SCN10A: variants seen among roughly 807,000 people sequenced by gnomAD.
SCN10A encodes sodium channel protein type 10 subunit alpha.
A neutral mutation model predicts 170.7 loss-of-function variants in SCN10A; 162 were observed. That is an observed-to-expected ratio of 0.95 (90% CI 0.84 to 1.08). The LOEUF is 1.08. Ranked by LOEUF, SCN10A falls within the 50% of genes least tolerant of loss-of-function variation. The pLI is 0.00. For synonymous variants in SCN10A, 985 were observed against 904.6 expected (o/e 1.09, Z -1.59); for missense variants, 2,527 against 2,436.9 (o/e 1.04, Z -0.78).
intron 20 of SCN10A, among the ~76,000 whole-genome samples, chr3:38,720,094 A>G (rs1575950877): frequency 6.6e-6 from 1 of 152,214 alleles, no homozygotes; most frequent in African/African-American, 2.4e-5. Flanking sequence ...AGGGCTTTCC[A>G]TGGGATCAGC....
chr3:38,802,288 C>G (rs772693028), intron 1 of SCN10A, among the ~76,000 whole-genome samples: 2 of 152,150 alleles, frequency 1.3e-5, no homozygotes, highest in African/African-American at 2.4e-5. Context: ...ATGAAGACAA[C>G]CTAAGTAGTC....
At position 38,728,612 on chromosome 3, in the gene SCN10A, C is replaced by A. The variant is rs1250337216; in HGVS notation, c.2570G>T (p.Cys857Phe). Residue 857 changes from cysteine (C) to phenylalanine (F), a missense_variant, in exon 16 of 28, where the codon TGC becomes TTC. By Grantham distance (205) the Cys-to-Phe change is radical. Transcript: ENST00000449082. ...CGEWIENMWA[C>F]MEVGQKSICL... ...TATGGATTTTTGGCCAACTTCCATGCAGGCCCACATGTTCTCAATCCACTC... is the reference window on the plus strand; with the variant it reads ...TATGGATTTTTGGCCAACTTCCATGAAGGCCCACATGTTCTCAATCCACTC... The A allele has an allele frequency of 6.2e-7, 1 of 1,612,570 alleles. No individual in the cohort carries two copies.
chr3:38,742,231 C>A (rs2063639549), intron 14 of SCN10A, 60 bp downstream of exon 14: 1 of 1,245,378 alleles, frequency 8.0e-7, no homozygotes. Flanking sequence ...CTGCACCCTG[C>A]CATCATCCCC....
At chr3:38,709,396 A>C in intron 25 of SCN10A, 82 bp downstream of exon 25, 1 of 1,429,426 alleles carries the variant, frequency 7.0e-7, no homozygotes, top group Non-Finnish European at 9.4e-7. Context: ...GGCTTTTGTC[A>C]GGAGGCCAGA....
Position 38,697,651 on chromosome 3 carries a change from C to T in SCN10A, c.5569G>A (p.Val1857Ile). The T allele has an allele frequency of 6.2e-7, 1 of 1,614,202 alleles. No individual in the cohort carries two copies. Among genetic ancestry groups the T allele is most frequent in the Non-Finnish European group, 8.5e-7 (1 of 1,180,040 alleles). ...TAGCTCCGATAGGCCTTTTGAATGA[C>T]AGTGGCTGAAATGTCTTCTTGCTTC... ...RWKQEDISAT[V>I]IQKAYRSYVL... Residue 1857 changes from valine to isoleucine, a missense_variant, in exon 28 of 28, where the codon GTC (valine) becomes ATC (isoleucine). Transcript: ENST00000449082.
Position 38,707,522 on chromosome 3 carries a change from G to T in SCN10A, c.4282-139C>A, listed in dbSNP as rs956398444. 4.8e-6 allele frequency: 4 copies of T among 826,626 alleles called. No homozygotes were observed. The African/African-American group carries it at 5.0e-5, about 10-fold the overall frequency. 51.2% of individuals were successfully genotyped at this position (826,626 alleles called of 1,614,324 possible). The stretch of plus-strand genomic sequence containing the variant: ...GACAAACCAAGCCCAGCATCAAGGA[G>T]TGTCTTGCCACATCCAGTGTCGGAA... On this transcript the variant is annotated intron_variant, in intron 25 of 27. Coordinates refer to ENST00000449082, the MANE Select transcript of SCN10A (RefSeq NM_006514.4).
chr3:38,754,693 G>T (rs2063783993), intron 11 of SCN10A, among the ~76,000 whole-genome samples: 1 of 152,220 alleles, frequency 6.6e-6, no homozygotes, highest in South Asian at 2.1e-4. Flanking sequence ...GCAGATAAAT[G>T]CTGAAGTGTG....
At chr3:38,766,537 T>C (rs1391732976) in intron 5 of SCN10A, among the ~76,000 whole-genome samples, 1 of 152,188 alleles carries the variant, frequency 6.6e-6, no homozygotes. Context: ...CGTGCAGCAT[T>C]TATTGACTTG....
In SCN10A at chr3:38,724,081, C is replaced by T. The variant is rs564589023; in HGVS notation, c.3229-528G>A. On this transcript the variant is annotated intron_variant, in intron 18 of 27. Transcript: ENST00000449082. ...AAAACATTGAGTAGGGACAACTAGC[C>T]AGGGGAGTCCTTGGAACATTTGGGA... Among the ~76,000 whole-genome samples the T allele has an allele frequency of 4.5e-4, 68 of 152,324 alleles. 2 individuals carry two copies. In the South Asian group the frequency reaches 0.014, roughly 31 times the overall value.
At chr3:38,792,723 G>A (rs1262262884) in intron 2 of SCN10A, among the ~76,000 whole-genome samples, 3 of 149,016 alleles carry the variant, frequency 2.0e-5, no homozygotes, top group Admixed American at 1.4e-4. Flanking sequence ...GCTGATTCCT[G>A]TCCTCCTAAC....
At position 38,697,113 on chromosome 3, in the gene SCN10A, A is replaced by G. The variant is rs567646528; in HGVS notation, c.*236T>C. ...GGAGAGTAAGAGAACCCATGATCTG[A>G]TATTGAAATTCAGAAGGGAAATCAC... On this transcript the variant is annotated 3_prime_UTR_variant, in exon 28 of 28. Transcript: ENST00000449082. The G allele has an allele frequency of 2.8e-5, 16 of 568,790 alleles. No homozygotes were observed. In the African/African-American group the frequency reaches 3.0e-4, roughly 11 times the overall value. The allele number at this position is 568,790 out of a possible 1,614,324, so 35.2% of individuals were successfully genotyped here.
intron 13 of SCN10A, among the ~76,000 whole-genome samples, chr3:38,747,856 G>A: frequency 6.6e-6 from 1 of 152,178 alleles, no homozygotes; most frequent in East Asian, 1.9e-4. Flanking sequence ...TCTTCTTGGA[G>A]AGAATTTTCC....
At chr3:38,738,868 A>T (rs2063598486) in intron 15 of SCN10A, among the ~76,000 whole-genome samples, 1 of 152,208 alleles carries the variant, frequency 6.6e-6, no homozygotes, top group Non-Finnish European at 1.5e-5. Context: ...AGTTTAGAGA[A>T]GAGCCATCAT....
rs1233050566 is a variant in SCN10A at position 38,755,942 on chromosome 3, C to T, written c.1307G>A (p.Gly436Glu). The T allele has an allele frequency of 1.2e-6, 2 of 1,614,102 alleles. No individual in the cohort carries two copies. Among genetic ancestry groups the T allele is most frequent in the South Asian group, 1.1e-5 (1 of 91,076 alleles). The change falls in exon 11 of 28, where the codon GGG becomes GAG. Residue 436 changes from glycine to glutamate, a missense_variant. Physicochemically the swap from Gly to Glu is moderately conservative, Grantham distance 98 (BLOSUM62 -2). Transcript: ENST00000449082. ...RKEQEVLAAL[G>E]IDTTSLHSHN... Reference sequence around the variant, plus strand: ...GGAGTGGAGAGAGGTTGTGTCAATCCCTAGTGCTGCTAGCACCTGCGAAGA... The same window carrying T: ...GGAGTGGAGAGAGGTTGTGTCAATCTCTAGTGCTGCTAGCACCTGCGAAGA...
At chr3:38,766,267 C>A (rs752164940) in intron 5 of SCN10A, among the ~76,000 whole-genome samples, 4 of 151,992 alleles carry the variant, frequency 2.6e-5, no homozygotes, top group African/African-American at 9.7e-5. Context: ...ACTTCCAGTA[C>A]TATGTTGGAT....
intron 27 of SCN10A, among the ~76,000 whole-genome samples, chr3:38,701,128 A>T (rs1017199867): frequency 6.6e-6 from 1 of 152,218 alleles, no homozygotes; most frequent in Non-Finnish European, 1.5e-5. Flanking sequence ...AGCCCAGCTC[A>T]GTGCTCAGAA....
chr3:38,762,687 A>G (rs938633356), intron 6 of SCN10A, among the ~76,000 whole-genome samples: 1 of 152,120 alleles, frequency 6.6e-6, no homozygotes. Flanking sequence ...AAGGGGCAGG[A>G]CCAGGGCTCT....
intron 3 of SCN10A, 133 bp downstream of exon 3, chr3:38,791,917 A>C (rs1054915355): frequency 3.3e-6 from 4 of 1,220,202 alleles, no homozygotes. Flanking sequence ...CCATTTTTTC[A>C]ATCTAATGAC....
chr3:38,721,614 T>G (rs1166124122), intron 20 of SCN10A, among the ~76,000 whole-genome samples: 2 of 152,226 alleles, frequency 1.3e-5, no homozygotes, highest in Admixed American at 6.5e-5. Flanking sequence ...GGCCTTGTTA[T>G]TCAAAGTGTG....
Sources: allele counts gnomAD v4.1 joint callset (sites outside exome capture counted in the v4.1 genomes callset), GRCh38; gene constraint gnomAD v4.1.1; transcripts MANE v1.5; gene names NCBI Gene and HGNC (gene_info 2026-07-23, HGNC 2026-07-21).